The following PLCL2 variants were observed in gnomAD, a reference collection of about 807,000 sequenced individuals.
PLCL2 encodes the protein inactive phospholipase C-like protein 2.
Under a neutral mutation model 79.6 loss-of-function variants are expected in PLCL2, and 4 were observed. That is an observed-to-expected ratio of 0.05 (90% CI 0.02 to 0.11). The LOEUF is 0.11. PLCL2 is among the 10% of genes least tolerant of loss of function. PLCL2 has a pLI of 1.00. For synonymous variants in PLCL2, 484 were observed against 457.7 expected (o/e 1.06, Z -0.73); for missense variants, 895 against 1,291.0 (o/e 0.69, Z 4.70).
At chr3:17,081,268 C>T in intron 5 of PLCL2, 1 of 456,676 alleles carries the variant, frequency 2.2e-6, no homozygotes, top group Non-Finnish European at 4.4e-6. Context: ...TCTCCTCCCT[C>T]ACACTGCATG....
At chr3:17,051,304 A>G (rs1280900639) in intron 4 of PLCL2, among the ~76,000 whole-genome samples, 1 of 152,168 alleles carries the variant, frequency 6.6e-6, no homozygotes, top group Non-Finnish European at 1.5e-5. Context: ...AATGAAGAGT[A>G]TTATAGGATT....
At chr3:17,055,338 T>C (rs1007330690) in intron 4 of PLCL2, among the ~76,000 whole-genome samples, 3 of 152,174 alleles carry the variant, frequency 2.0e-5, no homozygotes, top group Non-Finnish European at 4.4e-5. Context: ...CTCAGTGGCC[T>C]CTTTCTCATT....
intron 3 of PLCL2, among the ~76,000 whole-genome samples, chr3:17,032,130 A>C (rs896630969): frequency 1.3e-4 from 20 of 152,224 alleles, no homozygotes; most frequent in Admixed American, 7.9e-4. Flanking sequence ...ATATTTTCCA[A>C]AAATTTAGAG....
intron 4 of PLCL2, among the ~76,000 whole-genome samples, chr3:17,043,857 C>T (rs537452282): frequency 1.3e-5 from 2 of 152,284 alleles, no homozygotes; most frequent in African/African-American, 4.8e-5. Flanking sequence ...TTGTTTTACT[C>T]ATCTTGTCAG....
chr3:17,049,757 C>T (rs1327919881), intron 4 of PLCL2, among the ~76,000 whole-genome samples: 2 of 151,746 alleles, frequency 1.3e-5, no homozygotes, highest in East Asian at 3.9e-4. Flanking sequence ...CCATACTACC[C>T]AAAGCAATAT....
At chr3:16,929,353 T>C (rs1017467184) in intron 1 of PLCL2, among the ~76,000 whole-genome samples, 1 of 152,154 alleles carries the variant, frequency 6.6e-6, no homozygotes, top group African/African-American at 2.4e-5. Flanking sequence ...TGACAACATA[T>C]TTTTAAATCC....
At chr3:17,064,804 C>T (rs1399879759) in intron 4 of PLCL2, among the ~76,000 whole-genome samples, 1 of 151,688 alleles carries the variant, frequency 6.6e-6, no homozygotes, top group Non-Finnish European at 1.5e-5. Flanking sequence ...TGGCACGTGC[C>T]TGTAATCCCA....
intron 1 of PLCL2, among the ~76,000 whole-genome samples, chr3:16,932,251 G>A (rs1484286615): frequency 6.6e-6 from 1 of 152,220 alleles, no homozygotes; most frequent in Non-Finnish European, 1.5e-5. Context: ...GGTTTAGGTA[G>A]TATCAGCTGT....
In PLCL2 at chr3:16,955,656, A is replaced by G. The variant is rs374738493; in HGVS notation, c.328-54018A>G. 1.8e-4 allele frequency among the ~76,000 whole-genome samples: 27 copies of G among 152,214 alleles called. No homozygotes were observed. In the East Asian group the frequency reaches 3.1e-3, roughly 17 times the overall value. ...TTCACCATATTGGTTCTTCCTACCCATGAGCATGGAATGTTCTTCCATTTG... is the reference window on the plus strand; with the variant it reads ...TTCACCATATTGGTTCTTCCTACCCGTGAGCATGGAATGTTCTTCCATTTG... On this transcript the variant is annotated intron_variant, in intron 1 of 5. Coordinates refer to ENST00000615277, the MANE Select transcript of PLCL2 (RefSeq NM_001144382.2).
chr3:16,929,099 T>TTTA (rs540033810), intron 1 of PLCL2, among the ~76,000 whole-genome samples: 112,788 of 112,788 alleles, frequency 1, 56,394 homozygotes, highest in Non-Finnish European at 1. Flanking sequence ...TAGAGAAGAG[T>TTTA]AATTCTGAGC....
At chr3:17,037,537 A>G (rs1456634135) in intron 3 of PLCL2, among the ~76,000 whole-genome samples, 1 of 152,210 alleles carries the variant, frequency 6.6e-6, no homozygotes, top group East Asian at 1.9e-4. Context: ...TAACTTCATT[A>G]GAAACAGCTA....
chr3:16,896,927 T>C (rs537986917), intron 1 of PLCL2, among the ~76,000 whole-genome samples: 10 of 152,334 alleles, frequency 6.6e-5, no homozygotes, highest in Admixed American at 3.3e-4. Context: ...GGGGGTTTCC[T>C]AAAGTGCCCT....
intron 5 of PLCL2, chr3:17,081,384 G>T (rs2065160896): frequency 2.6e-6 from 1 of 380,566 alleles, no homozygotes; most frequent in Admixed American, 3.1e-5. Context: ...GCAGAGGGCA[G>T]GGGAAGTCTT....
At chr3:17,013,304 G>A (rs2064347930) in intron 2 of PLCL2, among the ~76,000 whole-genome samples, 1 of 152,220 alleles carries the variant, frequency 6.6e-6, no homozygotes, top group South Asian at 2.1e-4. Context: ...AGTCGGTAGT[G>A]ATACTGAATG....
intron 5 of PLCL2, among the ~76,000 whole-genome samples, chr3:17,080,022 C>T (rs112533014): frequency 6.6e-6 from 1 of 152,198 alleles, no homozygotes; most frequent in African/African-American, 2.4e-5. Flanking sequence ...CTTCATCCCC[C>T]TCTGGCAGCT....
At chr3:16,915,996 G>A (rs1291104945) in intron 1 of PLCL2, among the ~76,000 whole-genome samples, 1 of 152,164 alleles carries the variant, frequency 6.6e-6, no homozygotes, top group Non-Finnish European at 1.5e-5. Context: ...AGCCTGCTAA[G>A]GTTTCCATTA....
chr3:16,913,909 G>T (rs1696936526), intron 1 of PLCL2, among the ~76,000 whole-genome samples: 1 of 152,168 alleles, frequency 6.6e-6, no homozygotes, highest in Non-Finnish European at 1.5e-5. Flanking sequence ...GAAATACAGG[G>T]ACTGTAGCAT....
intron 1 of PLCL2, among the ~76,000 whole-genome samples, chr3:16,908,287 A>G (rs540679673): frequency 8.5e-5 from 13 of 152,180 alleles, no homozygotes; most frequent in Non-Finnish European, 1.8e-4. Flanking sequence ...ATCCATAAAC[A>G]TATTTTTACC....
At chr3:16,941,183 A>T (rs1276001473) in intron 1 of PLCL2, among the ~76,000 whole-genome samples, 1 of 152,180 alleles carries the variant, frequency 6.6e-6, no homozygotes, top group East Asian at 1.9e-4. Context: ...CTGTATGCTC[A>T]TGACTGTCAC....
Sources: gnomAD v4.1 joint callset for allele counts (sites outside exome capture counted in the v4.1 genomes callset) on GRCh38, gnomAD v4.1.1 for gene constraint, MANE v1.5 for transcripts, NCBI Gene and HGNC (gene_info 2026-07-23, HGNC 2026-07-21) for gene names.